ARMH3: variants seen among roughly 807,000 people sequenced by gnomAD.
The protein encoded by ARMH3 is armadillo-like helical domain-containing protein 3.
A neutral mutation model predicts 99.1 loss-of-function variants in ARMH3; 60 were observed. The ratio of observed to expected loss-of-function variants is 0.61; its 90% CI spans 0.49 to 0.75. The LOEUF (loss-of-function observed/expected upper bound fraction) is 0.75, where lower values mean the gene tolerates loss of function less well. Ranked by LOEUF, ARMH3 falls within the 30% of genes least tolerant of loss-of-function variation. The pLI, the probability that ARMH3 is intolerant of heterozygous loss-of-function variation, is 0.00. For synonymous variants in ARMH3, 285 were observed against 292.8 expected (o/e 0.97, Z 0.27); for missense variants, 679 against 843.1 (o/e 0.81, Z 2.41).
In ARMH3 at chr10:101,956,712, T is replaced by C. The variant is rs1006936774; in HGVS notation, c.1590A>G (p.Leu530=). The C allele has an allele frequency of 6.2e-7, 1 of 1,613,096 alleles. No homozygotes were observed. Among genetic ancestry groups the C allele is most frequent in the South Asian group, 1.1e-5 (1 of 91,034 alleles). The part of the protein sequence containing the change: ...IFTLALMIVN[L]FNMFITYGDT... ...CGCCATATGTGATAAACATATTAAATAGGTTCACAATCTAAAAAAGAAGGA... is the reference window on the plus strand; with the variant it reads ...CGCCATATGTGATAAACATATTAAACAGGTTCACAATCTAAAAAAGAAGGA... Residue 530 remains leucine (L), a synonymous_variant, in exon 22 of 26, where the codon CTA becomes CTG. Coordinates refer to ENST00000370033, the MANE Select transcript of ARMH3 (RefSeq NM_024541.3).
intron 23 of ARMH3, among the ~76,000 whole-genome samples, chr10:101,922,884 T>C (rs116137483): frequency 2.6e-5 from 4 of 152,248 alleles, no homozygotes; most frequent in African/African-American, 9.6e-5. Context: ...CTTTGGAGCT[T>C]CCTTGAGATT....
intron 20 of ARMH3, among the ~76,000 whole-genome samples, chr10:101,966,547 C>A (rs1264726638): frequency 2.0e-5 from 3 of 151,924 alleles, no homozygotes; most frequent in Non-Finnish European, 4.4e-5. Context: ...AGCCCCTGCG[C>A]CCAGCCCACC....
chr10:101,947,671 A>G (rs932368954), intron 22 of ARMH3, among the ~76,000 whole-genome samples: 3 of 152,026 alleles, frequency 2.0e-5, no homozygotes, highest in African/African-American at 7.2e-5. Context: ...GTGGTGGCGC[A>G]TGCCTGTAAT....
At chr10:102,016,127 C>T (rs2136131520) in intron 8 of ARMH3, among the ~76,000 whole-genome samples, 1 of 152,232 alleles carries the variant, frequency 6.6e-6, no homozygotes, top group Middle Eastern at 3.4e-3. Flanking sequence ...AGAGTGAGAC[C>T]CTGTCTCGAT....
intron 14 of ARMH3, 61 bp downstream of exon 14, chr10:102,006,479 G>A: frequency 6.5e-7 from 1 of 1,541,572 alleles, no homozygotes; most frequent in Non-Finnish European, 9.0e-7. Flanking sequence ...ACACAGCTAT[G>A]CTCACTCTGA....
intron 24 of ARMH3, among the ~76,000 whole-genome samples, chr10:101,871,203 GTATAT>G (rs1441033578): frequency 2.6e-5 from 4 of 151,994 alleles, no homozygotes. Context: ...AAATGGAGAG[GTATAT>G]TATGTTTACT....
intron 24 of ARMH3, among the ~76,000 whole-genome samples, chr10:101,874,584 T>G (rs1352018335): frequency 1.3e-5 from 2 of 152,138 alleles, no homozygotes; most frequent in African/African-American, 2.4e-5. Flanking sequence ...GGAAGGTTTT[T>G]TAGTGGGTGT....
chr10:102,035,208 AC>A (rs1245362769), intron 2 of ARMH3, among the ~76,000 whole-genome samples: 1 of 152,024 alleles, frequency 6.6e-6, no homozygotes, highest in Non-Finnish European at 1.5e-5. Flanking sequence ...AATAAAAAAT[AC>A]AAAAAATTAG....
In ARMH3 at chr10:101,993,546, G is replaced by C; in HGVS notation, c.1267C>G (p.His423Asp). ...GCAAAAGAAACACCTACCATTCTATGTAAGTTTACTCGAAAATTCATGTTG... is the reference window on the plus strand; with the variant it reads ...GCAAAAGAAACACCTACCATTCTATCTAAGTTTACTCGAAAATTCATGTTG... ...DDNMNFRVNL[H>D]RMPMRHRKKA... The change falls in exon 17 of 26, where the codon CAT becomes GAT. Residue 423 changes from histidine (H) to aspartate (D), a missense_variant. Transcript: ENST00000370033. 6.3e-7 allele frequency: 1 copy of C among 1,598,904 alleles called. No individual in the cohort carries two copies. The highest frequency in any genetic ancestry group is 8.5e-7 in the Non-Finnish European group (1 of 1,173,450).
intron 23 of ARMH3, among the ~76,000 whole-genome samples, chr10:101,897,790 A>G (rs1420231701): frequency 2.0e-5 from 3 of 152,244 alleles, no homozygotes; most frequent in Non-Finnish European, 4.4e-5. Context: ...CTTTAAGAGC[A>G]GGAATCTGGG....
intron 24 of ARMH3, among the ~76,000 whole-genome samples, chr10:101,857,854 C>T (rs1274270060): frequency 6.6e-6 from 1 of 152,178 alleles, no homozygotes; most frequent in Non-Finnish European, 1.5e-5. Flanking sequence ...ATTTAGCCTC[C>T]CACTCTTCCT....
rs1590054511 is a variant in ARMH3, at chr10:101,939,947, A to T, written c.1706-9T>A. ...GGTAGAAAGCCTCAGGACTGCAAAG[A>T]AGGAAAGAACACAGATCTGTCAAAC... On this transcript the variant is annotated splice_polypyrimidine_tract_variant and intron_variant, in intron 22 of 25. Transcript: ENST00000370033. 1 of 1,612,996 alleles carries T rather than the reference A, an allele frequency of 6.2e-7. No individual in the cohort carries two copies. Among genetic ancestry groups the T allele is most frequent in the African/African-American group, 1.3e-5 (1 of 74,920 alleles).
chr10:101,976,448 C>G (rs533977220), intron 19 of ARMH3, among the ~76,000 whole-genome samples: 151 of 150,502 alleles, frequency 1.0e-3, no homozygotes, highest in African/African-American at 3.7e-3. Context: ...ACTGCTTGTG[C>G]TACCCATTCC....
intron 20 of ARMH3, among the ~76,000 whole-genome samples, chr10:101,963,234 C>G (rs1845382177): frequency 6.6e-6 from 1 of 152,024 alleles, no homozygotes; most frequent in African/African-American, 2.4e-5. Flanking sequence ...CCTCCACCTC[C>G]CGGGTTCAAG....
At chr10:101,864,519 T>C (rs1395750001) in intron 24 of ARMH3, among the ~76,000 whole-genome samples, 1 of 152,118 alleles carries the variant, frequency 6.6e-6, no homozygotes, top group Non-Finnish European at 1.5e-5. Flanking sequence ...ATAGACTGGA[T>C]TAAGAAAATG....
At chr10:101,957,351 G>A (rs781091333) in intron 21 of ARMH3, among the ~76,000 whole-genome samples, 6 of 152,122 alleles carry the variant, frequency 3.9e-5, no homozygotes, top group Non-Finnish European at 7.4e-5. Context: ...CATAGAGACC[G>A]CAGTAGTATA....
chr10:101,905,372 A>C (rs2068078945), intron 23 of ARMH3, among the ~76,000 whole-genome samples: 1 of 152,244 alleles, frequency 6.6e-6, no homozygotes, highest in African/African-American at 2.4e-5. Flanking sequence ...GTCTCTGTCC[A>C]TTTAGTGATG....
chr10:101,945,392 G>A (rs1844468607), intron 22 of ARMH3, among the ~76,000 whole-genome samples: 1 of 152,080 alleles, frequency 6.6e-6, no homozygotes, highest in Admixed American at 6.6e-5. Context: ...GACCAGCCTG[G>A]GCAACATGCC....
chr10:102,054,903 G>A (rs1181588626), intron 1 of ARMH3, among the ~76,000 whole-genome samples: 4 of 151,696 alleles, frequency 2.6e-5, no homozygotes, highest in African/African-American at 9.7e-5. Context: ...GGCTGACGGG[G>A]AAGAATCGCT....
Sources: allele counts gnomAD v4.1 joint callset (sites outside exome capture counted in the v4.1 genomes callset), GRCh38; gene constraint gnomAD v4.1.1; transcripts MANE v1.5; gene names NCBI Gene and HGNC (gene_info 2026-07-23, HGNC 2026-07-21).